Variants in KRIT1 observed in about 807,000 individuals in gnomAD.
KRIT1 encodes the protein KRIT1 ankyrin repeat containing.
Under a neutral mutation model 95.8 loss-of-function variants are expected in KRIT1, and 45 were observed. The observed-to-expected ratio is 0.47, with a 90% CI of 0.37 to 0.60. The LOEUF (loss-of-function observed/expected upper bound fraction) is 0.60, where lower values mean the gene tolerates loss of function less well. KRIT1 is among the 20% of genes least tolerant of loss of function. The pLI, the probability that KRIT1 is intolerant of heterozygous loss-of-function variation, is 0.00. For synonymous variants in KRIT1, 282 were observed against 278.8 expected (o/e 1.01, Z -0.11); for missense variants, 788 against 877.5 (o/e 0.90, Z 1.29).
intron 14 of KRIT1, among the ~76,000 whole-genome samples, chr7:92,221,346 C>T (rs765710207): frequency 1.3e-5 from 2 of 151,830 alleles, no homozygotes; most frequent in East Asian, 2.0e-4. Flanking sequence ...GGCTGAGGCA[C>T]GAGAACTGCT....
chr7:92,209,000 C>T (rs369611235), intron 17 of KRIT1, among the ~76,000 whole-genome samples: 29 of 152,192 alleles, frequency 1.9e-4, no homozygotes, highest in African/African-American at 6.7e-4. Flanking sequence ...ACACCATGAT[C>T]AAATGGGATT....
intron 2 of KRIT1, 133 bp from the exon 3 acceptor site, chr7:92,244,282 T>G (rs1047333308): frequency 6.6e-6 from 1 of 152,182 alleles, no homozygotes; most frequent in Non-Finnish European, 1.5e-5. Context: ...TAAAGACAAT[T>G]TAAAGCAAAT....
chr7:92,217,415 G>T (rs569126960), intron 14 of KRIT1, among the ~76,000 whole-genome samples: 1 of 152,082 alleles, frequency 6.6e-6, no homozygotes, highest in Non-Finnish European at 1.5e-5. Context: ...CTGCTAACTG[G>T]TAAGAACTTC....
intron 14 of KRIT1, 49 bp downstream of exon 14, chr7:92,221,853 A>C: frequency 6.5e-7 from 1 of 1,533,274 alleles, no homozygotes; most frequent in Non-Finnish European, 9.0e-7. Flanking sequence ...ATAGAAACTC[A>C]ACAGATTTTG....
intron 10 of KRIT1, among the ~76,000 whole-genome samples, chr7:92,228,017 G>A (rs1467514846): frequency 1.4e-4 from 22 of 151,918 alleles, no homozygotes; most frequent in Admixed American, 1.4e-3. Context: ...CGTCTCAGTG[G>A]GGGTTGCGGC....
At chr7:92,230,261 G>A (rs1027520191) in intron 10 of KRIT1, among the ~76,000 whole-genome samples, 1 of 152,098 alleles carries the variant, frequency 6.6e-6, no homozygotes, top group Admixed American at 6.5e-5. Context: ...ATGGTGACTA[G>A]CCAGAGTTAG....
chr7:92,214,484 A>G, intron 15 of KRIT1, 127 bp downstream of exon 15: 1 of 702,234 alleles, frequency 1.4e-6, no homozygotes, highest in Non-Finnish European at 2.4e-6. Context: ...TTCTCATTCT[A>G]TGTCTTATAT....
Position 92,200,714 on chromosome 7 carries a change from T to C in KRIT1, c.*22A>G. ...ACTCTGCATTACAAAATGTGGTGGC[T>C]TGAGTAACAGTTACTTCTCTTTCAT... On this transcript the variant is annotated 3_prime_UTR_variant, in exon 19 of 19. Transcript: ENST00000394505. 2 of 1,489,128 alleles carry C rather than the reference T, an allele frequency of 1.3e-6. No homozygotes were observed. The highest frequency in any genetic ancestry group is 1.9e-6 in the Non-Finnish European group (2 of 1,065,882). The allele number at this position is 1,489,128 out of a possible 1,614,324, so 92.2% of individuals were successfully genotyped here.
At chr7:92,233,310 A>G (rs954884884) in intron 10 of KRIT1, among the ~76,000 whole-genome samples, 1 of 152,196 alleles carries the variant, frequency 6.6e-6, no homozygotes, top group Non-Finnish European at 1.5e-5. Context: ...ATATATGGAT[A>G]AATAAGCTGA....
intron 11 of KRIT1, 146 bp from the exon 12 acceptor site, chr7:92,225,973 A>G: frequency 9.8e-6 from 6 of 612,356 alleles, no homozygotes; most frequent in Non-Finnish European, 1.7e-5. Context: ...GGTATGTATT[A>G]TGTTTAGAAT....
chr7:92,208,216 A>C lies in KRIT1; in HGVS notation c.2025+4979T>G, dbSNP rs566738813. Among the ~76,000 whole-genome samples, 10 of 152,248 alleles carry C rather than the reference A, an allele frequency of 6.6e-5. No homozygotes were observed. In the East Asian group the frequency reaches 1.7e-3, roughly 26 times the overall value. Reference sequence around the variant, plus strand: ...AGGGATGTAGCAAAAGCAGTGTAAGAGGAAAGTTTACTGCAATAACATCTA... The same window carrying C: ...AGGGATGTAGCAAAAGCAGTGTAAGCGGAAAGTTTACTGCAATAACATCTA... On this transcript the variant is annotated intron_variant, in intron 17 of 18. Transcript: ENST00000394505.
chr7:92,210,720 G>T (rs920835067), intron 17 of KRIT1, among the ~76,000 whole-genome samples: 1 of 152,188 alleles, frequency 6.6e-6, no homozygotes, highest in African/African-American at 2.4e-5. Flanking sequence ...CACAGCTAAC[G>T]TAACAATCGA....
intron 9 of KRIT1, 70 bp from the exon 10 acceptor site, chr7:92,234,662 C>A (rs1428591616): frequency 1.4e-6 from 2 of 1,384,750 alleles, no homozygotes; most frequent in Non-Finnish European, 2.1e-6. Flanking sequence ...AAATGTGACA[C>A]ATCTATGAAA....
chr7:92,214,880 A>T (rs1793632486), intron 14 of KRIT1, 103 bp from the exon 15 acceptor site: 1 of 804,292 alleles, frequency 1.2e-6, no homozygotes, highest in Non-Finnish European at 2.1e-6. Flanking sequence ...TATATAAATG[A>T]GCTGTTACTG....
chr7:92,241,973 G>T (rs1395110802), intron 4 of KRIT1, 61 bp downstream of exon 4: 2 of 913,244 alleles, frequency 2.2e-6, no homozygotes, highest in African/African-American at 3.3e-5. Context: ...GGCTTTATAT[G>T]TGAATGATAA....
At chr7:92,223,734 T>C (rs748749980) in intron 12 of KRIT1, among the ~76,000 whole-genome samples, 3 of 152,294 alleles carry the variant, frequency 2.0e-5, no homozygotes, top group East Asian at 3.9e-4. Flanking sequence ...TAAGAGGAAT[T>C]TGTGATGGAA....
At chr7:92,231,126 C>T (rs191414822) in intron 10 of KRIT1, among the ~76,000 whole-genome samples, 149 of 151,974 alleles carry the variant, frequency 9.8e-4, no homozygotes, top group African/African-American at 2.3e-3. Context: ...CATAGGGGTA[C>T]GGGAAGAATA....
At chr7:92,241,961 A>T (rs2131772289) in intron 4 of KRIT1, 73 bp downstream of exon 4, 1 of 853,022 alleles carries the variant, frequency 1.2e-6, no homozygotes, top group Middle Eastern at 3.0e-4. Context: ...AAGATATAAT[A>T]AGGCTTTATA....
At chr7:92,201,257 TAA>T (rs1472056077) in intron 18 of KRIT1, 48 bp downstream of exon 18, 6 of 870,642 alleles carry the variant, frequency 6.9e-6, no homozygotes, top group African/African-American at 3.3e-5. Context: ...AAAAAAGAAG[TAA>T]CTTTACTAAC....
Sources: allele counts gnomAD v4.1 joint callset (sites outside exome capture counted in the v4.1 genomes callset), GRCh38; gene constraint gnomAD v4.1.1; transcripts MANE v1.5; gene names NCBI Gene and HGNC (gene_info 2026-07-23, HGNC 2026-07-21).